ZFHX3: variants seen among roughly 807,000 people sequenced by gnomAD.
ZFHX3 encodes the protein zinc finger homeobox protein 3.
In ZFHX3, 42 loss-of-function variants were observed where a neutral mutation model predicts 279.1. The ratio of observed to expected loss-of-function variants is 0.15; its 90% CI spans 0.12 to 0.19. The LOEUF (loss-of-function observed/expected upper bound fraction) is 0.19. ZFHX3 is among the 10% of genes least tolerant of loss of function. The pLI is 1.00. For missense variants in ZFHX3, 4,981 were observed against 4,754.0 expected (o/e 1.05, Z -1.40); for synonymous variants, 2,293 against 1,957.8 (o/e 1.17, Z -4.52).
intron 2 of ZFHX3, among the ~76,000 whole-genome samples, chr16:73,544,696 G>C (rs2020079953): frequency 6.6e-6 from 1 of 152,126 alleles, no homozygotes; most frequent in African/African-American, 2.4e-5. Flanking sequence ...GAGGGTTTCG[G>C]CAATCCAGGG....
intron 3 of ZFHX3, among the ~76,000 whole-genome samples, chr16:73,328,971 T>C (rs974907805): frequency 1.2e-4 from 19 of 152,318 alleles, no homozygotes; most frequent in Non-Finnish European, 2.5e-4. Flanking sequence ...CTGTCCTCCT[T>C]ATATTTGCAA....
chr16:73,716,612 AACACAC>A (rs144449904), intron 1 of ZFHX3, among the ~76,000 whole-genome samples: 6,107 of 31,744 alleles, frequency 0.19, 222 homozygotes, highest in South Asian at 0.28. Flanking sequence ...TCTTACTCTG[AACACAC>A]ACACACACAC....
rs762362472 is a variant in ZFHX3, at chr16:72,794,800, C to T, written c.7882G>A (p.Glu2628Lys). The T allele has an allele frequency of 1.7e-5, 28 of 1,613,544 alleles. No homozygotes were observed. Among genetic ancestry groups the T allele is most frequent in the Admixed American group, 5.0e-5 (3 of 60,004 alleles). Residue 2628 changes from glutamate to lysine, a missense_variant, in exon 9 of 10, where the codon GAA becomes AAA. Glu to Lys is a moderately conservative substitution (Grantham distance 56). Around this residue, in one of 7 missense-constraint regions of ZFHX3, gnomAD observed 744 missense variants for 701.3 expected, o/e 1.06. Transcript: ENST00000268489. This position sits in a 1 kb window ranked among gnomAD's most constrained non-coding sequence, Gnocchi z 4.2. Reference protein sequence around the residue: ...LEEKASASPGENDSGTGGEEP... With the variant: ...LEEKASASPGKNDSGTGGEEP... ...TCTCCTCCTGTCCCACTGTCGTTTT[C>T]GCCAGGGCTTGCACTGGCCTTTTCC...
At chr16:73,274,477 T>C (rs962077019) in intron 4 of ZFHX3, among the ~76,000 whole-genome samples, 2 of 152,364 alleles carry the variant, frequency 1.3e-5, no homozygotes, top group South Asian at 2.1e-4. Flanking sequence ...ATAACTTTCA[T>C]GCTTTTGTTA....
intron 2 of ZFHX3, among the ~76,000 whole-genome samples, chr16:73,457,505 G>A (rs1370007889): frequency 6.6e-6 from 1 of 152,178 alleles, no homozygotes; most frequent in African/African-American, 2.4e-5. Context: ...GGGCACGCTG[G>A]CTCACTCCTG....
chr16:72,843,250 C>A (rs1482766768), intron 4 of ZFHX3, among the ~76,000 whole-genome samples: 7 of 151,972 alleles, frequency 4.6e-5, no homozygotes, highest in Non-Finnish European at 1.0e-4. Context: ...GTGGCTCACA[C>A]CTGTAATCTC....
chr16:73,025,497 T>A (rs770513387), intron 1 of ZFHX3, among the ~76,000 whole-genome samples: 14 of 152,230 alleles, frequency 9.2e-5, no homozygotes, highest in African/African-American at 3.4e-4. Context: ...TACAGCAGTA[T>A]TGACAGCACA....
intron 3 of ZFHX3, among the ~76,000 whole-genome samples, chr16:72,926,260 C>G (rs191501404): frequency 1.5e-4 from 23 of 152,182 alleles, no homozygotes; most frequent in Admixed American, 1.4e-3. Flanking sequence ...TAGTAACCAA[C>G]TAAACAGTTC....
At chr16:73,792,522 T>C (rs979211448) in intron 1 of ZFHX3, among the ~76,000 whole-genome samples, 5 of 152,202 alleles carry the variant, frequency 3.3e-5, no homozygotes, top group African/African-American at 1.2e-4. Flanking sequence ...AAATACACTT[T>C]CCCCATTGGG....
rs536627751 is a variant in ZFHX3, at chr16:73,400,855, T to G, written c.-1291+55148A>C. 4 of 152,278 alleles carry G rather than the reference T, an allele frequency of 2.6e-5. No homozygotes were observed. The South Asian group carries it at 8.3e-4, about 32-fold the overall frequency. The allele number at this position is 152,278 out of a possible 1,614,324, so 9.4% of individuals were successfully genotyped here. On this transcript the variant is annotated intron_variant, in intron 3 of 17. Transcript: ENST00000641206. ...GTGTTTAATTGCTGCAAAAGCCACT[T>G]ATTACCTTGTGTTCTTCCGCAGAGG...
intron 1 of ZFHX3, among the ~76,000 whole-genome samples, chr16:73,841,510 T>C (rs912319997): frequency 6.6e-6 from 1 of 151,892 alleles, no homozygotes; most frequent in Non-Finnish European, 1.5e-5. Flanking sequence ...GAAGAGACCA[T>C]CATCTCGGAA....
At chr16:73,095,739 T>G (rs1020542520) in intron 7 of ZFHX3, among the ~76,000 whole-genome samples, 1 of 152,242 alleles carries the variant, frequency 6.6e-6, no homozygotes, top group Non-Finnish European at 1.5e-5. Context: ...AAATATTGTG[T>G]GGCTGTTCTG....
chr16:73,066,383 G>A (rs1482281243), intron 8 of ZFHX3, among the ~76,000 whole-genome samples: 3 of 152,162 alleles, frequency 2.0e-5, no homozygotes, highest in African/African-American at 7.2e-5. Context: ...CGGAGCCAGC[G>A]TGCGCGTCCC....
intron 5 of ZFHX3, among the ~76,000 whole-genome samples, chr16:73,247,887 A>G (rs2013347378): frequency 6.6e-6 from 1 of 150,930 alleles, no homozygotes; most frequent in South Asian, 2.1e-4. Flanking sequence ...GTGTGTGTAT[A>G]CTGTGTATAT....
At chr16:73,368,859 C>T (rs117797649) in intron 3 of ZFHX3, among the ~76,000 whole-genome samples, 1,740 of 152,302 alleles carry the variant, frequency 0.011, 22 homozygotes, top group Middle Eastern at 0.024. Flanking sequence ...CCCCATTTTA[C>T]TGGTAAGGAA....
chr16:73,542,854 G>T (rs1020926167), intron 2 of ZFHX3, among the ~76,000 whole-genome samples: 4 of 152,224 alleles, frequency 2.6e-5, no homozygotes, highest in Non-Finnish European at 5.9e-5. Flanking sequence ...AACCTTCAGA[G>T]CGTGTGTGTG....
intron 1 of ZFHX3, among the ~76,000 whole-genome samples, chr16:73,055,405 CAGG>C (rs917930598): frequency 5.9e-5 from 9 of 152,078 alleles, no homozygotes; most frequent in Admixed American, 3.9e-4. Context: ...TGTACAATGG[CAGG>C]AGGAGCCTAA....
upstream of ZFHX3, among the ~76,000 whole-genome samples, chr16:73,048,954 C>A (rs1172164175): frequency 2.6e-5 from 4 of 152,200 alleles, no homozygotes; most frequent in African/African-American, 9.6e-5. Flanking sequence ...CCTTATAAAG[C>A]CACATCACCG....
intron 2 of ZFHX3, among the ~76,000 whole-genome samples, chr16:73,657,655 A>AT (rs1390476861): frequency 6.6e-6 from 1 of 152,052 alleles, no homozygotes; most frequent in Non-Finnish European, 1.5e-5. Context: ...TTTTATATCT[A>AT]TATAGATTTG....
Sources: gnomAD v4.1 joint callset for allele counts (sites outside exome capture counted in the v4.1 genomes callset) on GRCh38, gnomAD v4.1.1 for gene constraint, gnomAD v4.1.1 regional missense constraint, Gnocchi (gnomAD v3.1) non-coding constraint, MANE v1.5 for transcripts, NCBI Gene and HGNC (gene_info 2026-07-23, HGNC 2026-07-21) for gene names.